DSCAM: variants seen among roughly 807,000 people sequenced by gnomAD.
DSCAM encodes the protein cell adhesion molecule DSCAM.
A neutral mutation model predicts 217.7 loss-of-function variants in DSCAM; 47 were observed. The observed-to-expected ratio is 0.22, with a 90% CI of 0.17 to 0.28. The LOEUF (loss-of-function observed/expected upper bound fraction) is 0.28. Ranked by LOEUF, DSCAM falls within the 10% of genes least tolerant of loss-of-function variation. The pLI, the probability that DSCAM is intolerant of heterozygous loss-of-function variation, is 1.00. For missense variants in DSCAM, 2,080 were observed against 2,618.3 expected, an observed-to-expected ratio of 0.79 and a Z score of 4.49; for synonymous variants, 1,056 against 1,015.3, an observed-to-expected ratio of 1.04 and a Z score of -0.76.
intron 2 of DSCAM, among the ~76,000 whole-genome samples, chr21:40,695,832 A>C (rs1424818106): frequency 1.3e-5 from 2 of 152,196 alleles, no homozygotes; most frequent in Non-Finnish European, 2.9e-5. Flanking sequence ...GTTTTTTAAA[A>C]AAATGCAAAT....
At chr21:40,263,696 A>G (rs907669049) in intron 11 of DSCAM, among the ~76,000 whole-genome samples, 7 of 152,208 alleles carry the variant, frequency 4.6e-5, no homozygotes, top group African/African-American at 1.7e-4. Context: ...AAGAAAAGAA[A>G]TAACAAAGAT....
chr21:40,238,240 G>C (rs2073104324), intron 11 of DSCAM, among the ~76,000 whole-genome samples: 1 of 152,138 alleles, frequency 6.6e-6, no homozygotes, highest in African/African-American at 2.4e-5. Context: ...AAGTGGAATG[G>C]GAATCTGCAT....
intron 3 of DSCAM, among the ~76,000 whole-genome samples, chr21:40,447,746 G>A (rs1045615687): frequency 1.1e-4 from 17 of 152,274 alleles, no homozygotes; most frequent in African/African-American, 4.1e-4. Context: ...ATTTCTGTTG[G>A]TGGTGAATGA....
At chr21:40,764,313 A>ATATTTATGC (rs2091365094) in intron 1 of DSCAM, among the ~76,000 whole-genome samples, 2 of 144,378 alleles carry the variant, frequency 1.4e-5, no homozygotes, top group Non-Finnish European at 3.1e-5. Context: ...TCAAAAGAAG[A>ATATTTATGC]TATTTATGCC....
intron 3 of DSCAM, among the ~76,000 whole-genome samples, chr21:40,566,330 G>A (rs2076764059): frequency 6.6e-6 from 1 of 152,120 alleles, no homozygotes; most frequent in South Asian, 2.1e-4. Context: ...ACAAGACACT[G>A]AAAGTAATAT....
intron 3 of DSCAM, among the ~76,000 whole-genome samples, chr21:40,462,763 C>T (rs943257545): frequency 1.3e-5 from 2 of 152,116 alleles, no homozygotes; most frequent in South Asian, 2.1e-4. Flanking sequence ...AATCTTAATC[C>T]CTAGATGATT....
intron 20 of DSCAM, among the ~76,000 whole-genome samples, chr21:40,107,572 CAAT>C (rs2089837223): frequency 6.6e-6 from 1 of 152,000 alleles, no homozygotes; most frequent in Non-Finnish European, 1.5e-5. Flanking sequence ...TTTTTTGTCT[CAAT>C]GATCTGTCTA....
chr21:40,549,891 T>A (rs776074570), intron 3 of DSCAM, among the ~76,000 whole-genome samples: 6 of 152,168 alleles, frequency 3.9e-5, no homozygotes, highest in African/African-American at 1.4e-4. Context: ...GCTGGCTAAG[T>A]CAACAGGTTG....
chr21:40,336,811 G>A (rs1231082572), intron 8 of DSCAM, among the ~76,000 whole-genome samples: 34 of 152,182 alleles, frequency 2.2e-4, no homozygotes, highest in Non-Finnish European at 3.4e-4. Flanking sequence ...GGACCTTGCA[G>A]ACCTTTTTCA....
intron 1 of DSCAM, among the ~76,000 whole-genome samples, chr21:40,832,509 T>C (rs2092020125): frequency 6.6e-6 from 1 of 152,156 alleles, no homozygotes; most frequent in South Asian, 2.1e-4. Context: ...AATTACTCTC[T>C]CTATGAGTAA....
intron 11 of DSCAM, among the ~76,000 whole-genome samples, chr21:40,274,381 C>T (rs1218009428): frequency 1.3e-5 from 2 of 152,176 alleles, no homozygotes; most frequent in Non-Finnish European, 1.5e-5. Context: ...TCCTGGTTAT[C>T]TCCCCTTCCA....
chr21:40,432,255 T>G (rs1220587253), intron 3 of DSCAM, among the ~76,000 whole-genome samples: 1 of 152,102 alleles, frequency 6.6e-6, no homozygotes, highest in Non-Finnish European at 1.5e-5. Context: ...CTTCTTCTGA[T>G]AGTCAAAAGG....
At chr21:40,510,962 G>C (rs1157023236) in intron 3 of DSCAM, among the ~76,000 whole-genome samples, 1 of 152,102 alleles carries the variant, frequency 6.6e-6, no homozygotes, top group Non-Finnish European at 1.5e-5. Context: ...TAGAATAAAA[G>C]CAAGAAATTT....
chr21:40,622,151 G>A (rs1437803058), intron 3 of DSCAM, among the ~76,000 whole-genome samples: 3 of 151,942 alleles, frequency 2.0e-5, no homozygotes, highest in Non-Finnish European at 4.4e-5. Flanking sequence ...AATATTACTG[G>A]AAGCCCACAA....
At position 40,276,264 on chromosome 21, in the gene DSCAM, C is replaced by A; in HGVS notation, c.2189G>T (p.Gly730Val). 1 of 1,591,102 alleles carries A rather than the reference C, an allele frequency of 6.3e-7. No homozygotes were observed. The highest frequency in any genetic ancestry group is 8.5e-7 in the Non-Finnish European group (1 of 1,171,378). ...TIVWKFSKGA[G>V]VPQFQPIALN... ...GGCAATTGGCTGGAACTGGGGAACCCCAGCACCTGAGACAGAAAAAGAAAG... is the reference window on the plus strand; with the variant it reads ...GGCAATTGGCTGGAACTGGGGAACCACAGCACCTGAGACAGAAAAAGAAAG... The change falls in exon 11 of 33, where the codon GGG becomes GTG. Residue 730 changes from glycine (G) to valine (V), a missense_variant. By Grantham distance (109) the Gly-to-Val change is moderately radical. Transcript: ENST00000400454.
At chr21:40,025,975 T>A (rs1209662552) in intron 32 of DSCAM, among the ~76,000 whole-genome samples, 1 of 147,126 alleles carries the variant, frequency 6.8e-6, no homozygotes, top group East Asian at 2.0e-4. Flanking sequence ...GGGTGTCAAT[T>A]TTGGATCTTT....
At chr21:40,487,507 A>G (rs1299723005) in intron 3 of DSCAM, among the ~76,000 whole-genome samples, 1 of 152,138 alleles carries the variant, frequency 6.6e-6, no homozygotes, top group Non-Finnish European at 1.5e-5. Context: ...TTAGAGAGGT[A>G]GAAGTCACAC....
intron 1 of DSCAM, among the ~76,000 whole-genome samples, chr21:40,823,332 C>A (rs1316070024): frequency 6.6e-6 from 1 of 151,812 alleles, no homozygotes; most frequent in East Asian, 1.9e-4. Flanking sequence ...AAAAGTGAGG[C>A]TGCAGATGTG....
intron 3 of DSCAM, among the ~76,000 whole-genome samples, chr21:40,488,594 A>C (rs1246552093): frequency 6.6e-6 from 1 of 152,174 alleles, no homozygotes; most frequent in Non-Finnish European, 1.5e-5. Context: ...CCAAAGGAAA[A>C]AAGGTAAAAA....
Sources: allele counts gnomAD v4.1 joint callset (sites outside exome capture counted in the v4.1 genomes callset), GRCh38; gene constraint gnomAD v4.1.1; transcripts MANE v1.5; gene names NCBI Gene and HGNC (gene_info 2026-07-23, HGNC 2026-07-21).